Variants in LRCH3 observed in about 807,000 individuals in gnomAD.
The protein encoded by LRCH3 is DISP complex protein LRCH3.
LRCH3 carries 68 observed loss-of-function variants against 104.5 expected under a neutral mutation model. The ratio of observed to expected loss-of-function variants is 0.65; its 90% confidence interval spans 0.54 to 0.80. LRCH3 has a LOEUF of 0.80. Ranked by LOEUF, LRCH3 falls within the 30% of genes least tolerant of loss-of-function variation. The probability of loss-of-function intolerance (pLI) is 0.00; values close to 1 mark genes in which losing one functional copy is unlikely to be tolerated. For synonymous variants in LRCH3, 344 were observed against 361.3 expected (o/e 0.95, Z 0.54); for missense variants, 951 against 953.9 (o/e 1.00, Z 0.04).
chr3:197,883,751 A>C lies in LRCH3; in HGVS notation c.*85A>C. On this transcript the variant is annotated 3_prime_UTR_variant, in exon 21 of 21. Coordinates refer to ENST00000425562, the MANE Select transcript of LRCH3 (RefSeq NM_001365715.1). The surrounding 1 kb of genome is among the most constrained non-coding windows in gnomAD (Gnocchi z 4.2). ...CTGCTGCCAGCTGTCTGCTTAAACA[A>C]AGCTCTTGTGTGTTCTCAGAAGGGA... The C allele has an allele frequency of 7.1e-7, 1 of 1,418,090 alleles. No individual in the cohort carries two copies. Among genetic ancestry groups the C allele is most frequent in the Non-Finnish European group, 9.4e-7 (1 of 1,068,344 alleles). The allele number at this position is 1,418,090 out of a possible 1,614,324, so 87.8% of individuals were successfully genotyped here.
chr3:197,804,374 T>C (rs1253839147), intron 1 of LRCH3, among the ~76,000 whole-genome samples: 1 of 151,396 alleles, frequency 6.6e-6, no homozygotes, highest in African/African-American at 2.5e-5. Context: ...GATATGTACA[T>C]GGTTAGAGTT....
chr3:197,880,095 G>C (rs1030391639), intron 20 of LRCH3, among the ~76,000 whole-genome samples: 3 of 151,102 alleles, frequency 2.0e-5, no homozygotes, highest in African/African-American at 2.4e-5. Context: ...ACAGGCGCCC[G>C]CCACCACGCC....
At chr3:197,880,193 C>T (rs374687608) in intron 20 of LRCH3, among the ~76,000 whole-genome samples, 2 of 152,070 alleles carry the variant, frequency 1.3e-5, no homozygotes, top group Non-Finnish European at 2.9e-5. Context: ...GATCCACCCG[C>T]CTCGGCCTCC....
At chr3:197,849,827 A>T (rs2049795906) in intron 12 of LRCH3, among the ~76,000 whole-genome samples, 1 of 152,206 alleles carries the variant, frequency 6.6e-6, no homozygotes. Flanking sequence ...TGCTGGTTGT[A>T]CAAGGAATAT....
chr3:197,858,719 T>G, intron 14 of LRCH3, 115 bp from the exon 15 acceptor site: 1 of 867,784 alleles, frequency 1.2e-6, no homozygotes, highest in Non-Finnish European at 2.0e-6. Context: ...GTAAACCATT[T>G]GAAAGATCGT....
intron 9 of LRCH3, among the ~76,000 whole-genome samples, chr3:197,836,562 G>T (rs1357726092): frequency 6.6e-6 from 1 of 152,140 alleles, no homozygotes; most frequent in African/African-American, 2.4e-5. Context: ...TTTAGAGAAT[G>T]ATGTATTATC....
At chr3:197,816,520 T>C (rs1733823798) in intron 2 of LRCH3, among the ~76,000 whole-genome samples, 1 of 152,206 alleles carries the variant, frequency 6.6e-6, no homozygotes, top group Admixed American at 6.6e-5. Flanking sequence ...CCTCCGGTGA[T>C]CCACCTGCCT....
At position 197,817,194 on chromosome 3, in the gene LRCH3, A is replaced by G. The variant is rs749724892; in HGVS notation, c.426A>G (p.Thr142=). ...FLNISRNQLS[T]LPVHLCNLPL... The stretch of plus-strand genomic sequence containing the variant: ...CATTTAGTCGGAACCAACTGTCAAC[A>G]TTGCCGGTACACTTGTGTAATTTGC... The change falls in exon 3 of 21, where the codon ACA becomes ACG. Residue 142 remains threonine, a synonymous_variant. Transcript: ENST00000425562. The G allele has an allele frequency of 7.5e-6, 12 of 1,601,614 alleles. No homozygotes were observed. The highest frequency in any genetic ancestry group is 1.1e-5 in the South Asian group (1 of 89,282).
chr3:197,830,823 A>G lies in LRCH3; in HGVS notation c.941A>G (p.Asn314Ser), dbSNP rs773418585. Residue 314 changes from asparagine to serine, a missense_variant, in exon 7 of 21, where the codon AAT (asparagine) becomes AGT (serine). By Grantham distance (46) the Asn-to-Ser change is conservative. Transcript: ENST00000425562. Reference sequence around the variant, plus strand: ...TATGGAGCCCTTGATTCAGGCTTCAATAGTGTGGACAGTGGTGATAAGAGA... The same window carrying G: ...TATGGAGCCCTTGATTCAGGCTTCAGTAGTGTGGACAGTGGTGATAAGAGA... The part of the protein sequence containing the change: ...RPYGALDSGF[N>S]SVDSGDKRWS... The G allele has an allele frequency of 6.8e-6, 11 of 1,614,014 alleles. No individual in the cohort carries two copies. The highest frequency in any genetic ancestry group is 4.5e-5 in the East Asian group (2 of 44,880).
chr3:197,812,512 T>TTTTTTTTTTTTG (rs1334657158), intron 1 of LRCH3, among the ~76,000 whole-genome samples: 1 of 127,518 alleles, frequency 7.8e-6, no homozygotes, highest in African/African-American at 3.0e-5. Context: ...CAGTTTTTTT[T>TTTTTTTTTTTTG]TTTTTTTTTT....
chr3:197,887,721 TGACA>T lies in LRCH3; in HGVS notation c.*4057_*4060del, dbSNP rs1226477163. ...CCCCCAGCAGAGCCCTTCCCATCAC[TGACA>T]GTGTCTGGGGCTGAGAGCCCCCCAG... On this transcript the variant is annotated 3_prime_UTR_variant, in exon 21 of 21. Transcript: ENST00000425562. 7.0e-5 allele frequency: 8 copies of T among 113,792 alleles called. No individual in the cohort carries two copies. The highest frequency in any genetic ancestry group is 1.2e-4 in the Non-Finnish European group (7 of 57,016). 7.0% of individuals were successfully genotyped at this position (113,792 alleles called of 1,614,324 possible). A position where few individuals can be genotyped will look rare whatever the true frequency, so the allele number is the denominator to read the frequency against.
At chr3:197,879,801 C>T (rs1209192205) in intron 20 of LRCH3, among the ~76,000 whole-genome samples, 1 of 151,432 alleles carries the variant, frequency 6.6e-6, no homozygotes, top group Non-Finnish European at 1.5e-5. Context: ...TCCTCAGCCT[C>T]TGCAGTTTTC....
intron 1 of LRCH3, among the ~76,000 whole-genome samples, chr3:197,802,039 C>G (rs1434376226): frequency 6.6e-6 from 1 of 152,160 alleles, no homozygotes; most frequent in Non-Finnish European, 1.5e-5. Flanking sequence ...CATCCTCAAG[C>G]CAGCATTGGT....
intron 1 of LRCH3, among the ~76,000 whole-genome samples, chr3:197,805,371 G>A (rs1732361766): frequency 6.6e-6 from 1 of 152,210 alleles, no homozygotes; most frequent in Non-Finnish European, 1.5e-5. Flanking sequence ...AAAAATCAAG[G>A]AGGCTTTTTC....
At chr3:197,822,603 T>C (rs1734614514) in intron 4 of LRCH3, among the ~76,000 whole-genome samples, 2 of 152,210 alleles carry the variant, frequency 1.3e-5, no homozygotes, top group Non-Finnish European at 2.9e-5. Context: ...TCAGCACATA[T>C]AGTTGAACTG....
chr3:197,832,080 A>G (rs1580702055), intron 7 of LRCH3, 117 bp from the exon 8 acceptor site: 1 of 1,030,972 alleles, frequency 9.7e-7, no homozygotes, highest in East Asian at 2.8e-5. Flanking sequence ...CATCTAGCTA[A>G]TTTACTCCTG....
At chr3:197,825,683 G>C in intron 4 of LRCH3, among the ~76,000 whole-genome samples, 1 of 151,458 alleles carries the variant, frequency 6.6e-6, no homozygotes, top group African/African-American at 2.4e-5. Context: ...GTCTCACCGT[G>C]TTAGCCAGGA....
intron 17 of LRCH3, among the ~76,000 whole-genome samples, chr3:197,869,917 C>G (rs903021354): frequency 1.3e-4 from 20 of 148,870 alleles, no homozygotes; most frequent in South Asian, 2.1e-4. Context: ...AAGCCATGCA[C>G]TGTACCTGCA....
At position 197,883,603 on chromosome 3, in the gene LRCH3, G is replaced by C. The variant is rs1198318853; in HGVS notation, c.2271G>C (p.Thr757=). 14 of 1,535,844 alleles carry C rather than the reference G, an allele frequency of 9.1e-6. No homozygotes were observed. The highest frequency in any genetic ancestry group is 1.4e-5 in the African/African-American group (1 of 72,992). ...AAGGTTTGAGCCAGGTTGCAGTGACGGTCCAGGCTCTCCTGGAACTTGCCC... is the reference window on the plus strand; with the variant it reads ...AAGGTTTGAGCCAGGTTGCAGTGACCGTCCAGGCTCTCCTGGAACTTGCCC... ...EEKGLSQVAV[T]VQALLELAPP... The change falls in exon 21 of 21, where the codon ACG becomes ACC. Residue 757 remains threonine (T), a synonymous_variant. Coordinates refer to ENST00000425562, the MANE Select transcript of LRCH3 (RefSeq NM_001365715.1). This position sits in a 1 kb window ranked among gnomAD's most constrained non-coding sequence, Gnocchi z 4.2.
Sources: gnomAD v4.1 joint callset for allele counts (sites outside exome capture counted in the v4.1 genomes callset) on GRCh38, gnomAD v4.1.1 for gene constraint, Gnocchi (gnomAD v3.1) non-coding constraint, MANE v1.5 for transcripts, NCBI Gene and HGNC (gene_info 2026-07-23, HGNC 2026-07-21) for gene names.